The following PTPRQ variants were observed in gnomAD, a reference collection of about 807,000 sequenced individuals.
The protein encoded by PTPRQ is protein tyrosine phosphatase receptor type Q.
PTPRQ carries 199 observed loss-of-function variants against 246.0 expected under a neutral mutation model. The observed-to-expected ratio is 0.81, with a 90% CI of 0.72 to 0.91. PTPRQ has a LOEUF of 0.91. Among genes scored for constraint, PTPRQ ranks in the 40% least tolerant of loss-of-function variants. The pLI, the probability that PTPRQ is intolerant of heterozygous loss-of-function variation, is 0.00. For synonymous variants in PTPRQ, 869 were observed against 853.2 expected (o/e 1.02, Z -0.32); for missense variants, 2,624 against 2,528.4 (o/e 1.04, Z -0.81).
chr12:80,539,304 G>A (rs1896079179), intron 19 of PTPRQ, among the ~76,000 whole-genome samples: 1 of 152,052 alleles, frequency 6.6e-6, no homozygotes, highest in Non-Finnish European at 1.5e-5. Flanking sequence ...CACTAAATGT[G>A]AATAATAATA....
rs182734094 is a variant in PTPRQ at position 80,468,580 on chromosome 12, A to T, written c.911-130A>T. 1,415 of 911,634 alleles carry T rather than the reference A, an allele frequency of 1.6e-3. 13 individuals are homozygous for T. The African/African-American group carries it at 0.02, about 13-fold the overall frequency. The allele number at this position is 911,634 out of a possible 1,614,324, so 56.5% of individuals were successfully genotyped here. On this transcript the variant is annotated intron_variant, in intron 6 of 44. Coordinates refer to ENST00000644991, the MANE Select transcript of PTPRQ (RefSeq NM_001145026.2). Reference sequence around the variant, plus strand: ...TATTCCATTTATTCTTTTTTAAGATAAAAAAACTCTGCTTTTAAGCGCGAT... The same window carrying T: ...TATTCCATTTATTCTTTTTTAAGATTAAAAAACTCTGCTTTTAAGCGCGAT...
intron 14 of PTPRQ, among the ~76,000 whole-genome samples, chr12:80,502,790 T>C (rs1298670839): frequency 6.6e-6 from 1 of 151,754 alleles, no homozygotes; most frequent in Non-Finnish European, 1.5e-5. Context: ...AATGACAAAG[T>C]CTTAGGTGTT....
chr12:80,585,195 G>A (rs1408764723), intron 25 of PTPRQ, among the ~76,000 whole-genome samples: 1 of 151,876 alleles, frequency 6.6e-6, no homozygotes, highest in Non-Finnish European at 1.5e-5. Flanking sequence ...CCTCCCCAAA[G>A]CTTACCCCTC....
intron 25 of PTPRQ, among the ~76,000 whole-genome samples, chr12:80,550,101 G>A (rs1395511212): frequency 1.3e-5 from 2 of 152,036 alleles, no homozygotes; most frequent in African/African-American, 4.8e-5. Flanking sequence ...AATTCTAGAT[G>A]TTTTCCTGAA....
At chr12:80,546,419 G>C (rs922632815) in intron 23 of PTPRQ, 137 bp from the exon 24 acceptor site, 1 of 896,374 alleles carries the variant, frequency 1.1e-6, no homozygotes, top group Admixed American at 3.2e-5. Context: ...GCTAATATTT[G>C]TTTTATTATA....
At chr12:80,638,891 T>C (rs1050663630) in intron 35 of PTPRQ, among the ~76,000 whole-genome samples, 1 of 152,228 alleles carries the variant, frequency 6.6e-6, no homozygotes, top group Admixed American at 6.5e-5. Flanking sequence ...CTATAATTCT[T>C]AGGAAGAATA....
At position 80,496,446 on chromosome 12, in the gene PTPRQ, C is replaced by G; in HGVS notation, c.2187C>G (p.Leu729=). ...TAAGGAACTTAAGACCTCACACCCT[C>G]TATAACATTTCTGTAAGGTCTTACA... The part of the protein sequence containing the change: ...IILRNLRPHT[L]YNISVRSYTR... Residue 729 remains leucine (L), a synonymous_variant, in exon 14 of 45, where the codon CTC becomes CTG. Transcript: ENST00000644991. 6.4e-7 allele frequency: 1 copy of G among 1,550,790 alleles called. No individual in the cohort carries two copies. The highest frequency in any genetic ancestry group is 8.7e-7 in the Non-Finnish European group (1 of 1,146,434).
intron 25 of PTPRQ, among the ~76,000 whole-genome samples, chr12:80,570,035 C>T (rs997915341): frequency 2.0e-4 from 31 of 151,682 alleles, no homozygotes; most frequent in Non-Finnish European, 5.9e-5. Context: ...TAGTGCTGCA[C>T]TAAACATACA....
intron 6 of PTPRQ, chr12:80,462,420 T>C (rs907515003): frequency 5.7e-6 from 1 of 175,506 alleles, no homozygotes; most frequent in African/African-American, 2.4e-5. Flanking sequence ...CTCTGTAGGC[T>C]CCACCTCTGG....
At chr12:80,491,374 C>T (rs1894445083) in intron 9 of PTPRQ, among the ~76,000 whole-genome samples, 1 of 151,918 alleles carries the variant, frequency 6.6e-6, no homozygotes, top group Non-Finnish European at 1.5e-5. Context: ...CAGAGCTTCT[C>T]TGAGTTATGT....
intron 32 of PTPRQ, among the ~76,000 whole-genome samples, chr12:80,620,945 T>C (rs1380204522): frequency 6.6e-6 from 1 of 151,944 alleles, no homozygotes; most frequent in Non-Finnish European, 1.5e-5. Flanking sequence ...TTAAATTATT[T>C]GCTAAATTGA....
At chr12:80,663,871 T>C (rs1344808886) in intron 39 of PTPRQ, among the ~76,000 whole-genome samples, 7 of 152,060 alleles carry the variant, frequency 4.6e-5, no homozygotes. Flanking sequence ...ACTCTGATAA[T>C]TCTTCAACCC....
At chr12:80,532,589 T>C (rs1414467428) in intron 17 of PTPRQ, among the ~76,000 whole-genome samples, 1 of 152,132 alleles carries the variant, frequency 6.6e-6, no homozygotes, top group Non-Finnish European at 1.5e-5. Context: ...CTGTGACCAA[T>C]GATAAGAGTA....
chr12:80,452,937 C>T (rs1892821682), intron 3 of PTPRQ, among the ~76,000 whole-genome samples: 1 of 152,210 alleles, frequency 6.6e-6, no homozygotes, highest in South Asian at 2.1e-4. Context: ...GGGAAGTTCT[C>T]CTGGATAATA....
intron 25 of PTPRQ, among the ~76,000 whole-genome samples, chr12:80,574,015 T>C (rs1311362755): frequency 1.3e-5 from 2 of 152,148 alleles, no homozygotes; most frequent in Non-Finnish European, 2.9e-5. Context: ...TTAACTACGA[T>C]TGTGGGTTTT....
At chr12:80,667,023 A>T (rs917934287) in intron 39 of PTPRQ, among the ~76,000 whole-genome samples, 50 of 152,126 alleles carry the variant, frequency 3.3e-4, no homozygotes, top group African/African-American at 1.2e-3. Context: ...GAAACCTTTC[A>T]GTGACTTTCT....
At chr12:80,650,029 A>G (rs948538152) in intron 37 of PTPRQ, among the ~76,000 whole-genome samples, 3 of 152,234 alleles carry the variant, frequency 2.0e-5, no homozygotes, top group South Asian at 2.1e-4. Context: ...GTGTAGTTTT[A>G]TATTTAAGTA....
chr12:80,487,857 G>A (rs758353084), intron 9 of PTPRQ, among the ~76,000 whole-genome samples: 26 of 151,926 alleles, frequency 1.7e-4, no homozygotes, highest in South Asian at 4.1e-4. Context: ...TTATAATCGC[G>A]CAGTTTCTTT....
chr12:80,447,039 T>A (rs976197594), intron 3 of PTPRQ, among the ~76,000 whole-genome samples: 2 of 152,040 alleles, frequency 1.3e-5, no homozygotes, highest in African/African-American at 4.8e-5. Flanking sequence ...GTATTAGTGT[T>A]CCCTTTTCTC....
Sources: allele counts gnomAD v4.1 joint callset (sites outside exome capture counted in the v4.1 genomes callset), GRCh38; gene constraint gnomAD v4.1.1; transcripts MANE v1.5; gene names NCBI Gene and HGNC (gene_info 2026-07-23, HGNC 2026-07-21).